The following DDX50 variants were observed in gnomAD, a reference collection of about 807,000 sequenced individuals.
DDX50 encodes ATP-dependent RNA helicase DDX50.
A neutral mutation model predicts 94.8 loss-of-function variants in DDX50; 56 were observed. The observed-to-expected ratio is 0.59, with a 90% CI of 0.48 to 0.74. The LOEUF is 0.74. DDX50 is among the 30% of genes least tolerant of loss of function. The probability of loss-of-function intolerance (pLI) is 0.00; values close to 1 mark genes in which losing one functional copy is unlikely to be tolerated. For synonymous variants in DDX50, 264 were observed against 295.4 expected, an observed-to-expected ratio of 0.89 and a Z score of 1.09; for missense variants, 713 against 881.2, an observed-to-expected ratio of 0.81 and a Z score of 2.42.
chr10:68,941,230 C>T, intron 13 of DDX50, 36 bp downstream of exon 13: 1 of 1,603,278 alleles, frequency 6.2e-7, no homozygotes, highest in Non-Finnish European at 8.5e-7. Flanking sequence ...GCTTTTTAAT[C>T]AACTACCCCA....
chr10:68,923,573 C>G (rs192545181), intron 8 of DDX50, among the ~76,000 whole-genome samples: 1 of 151,714 alleles, frequency 6.6e-6, no homozygotes, highest in African/African-American at 2.4e-5. Context: ...GACACAGTTT[C>G]ACTCTATCAG....
At position 68,901,391 on chromosome 10, in the gene DDX50, G is replaced by A; in HGVS notation, c.7G>A (p.Gly3Arg). The A allele has an allele frequency of 6.4e-7, 1 of 1,551,900 alleles. No homozygotes were observed. Among genetic ancestry groups the A allele is most frequent in the Non-Finnish European group, 8.7e-7 (1 of 1,148,764 alleles). The change falls in exon 1 of 15, where the codon GGG becomes AGG. Residue 3 changes from glycine to arginine, a missense_variant. Transcript: ENST00000373585. MPGKLLWGDIMEL... is the reference protein window; with the variant it reads MPRKLLWGDIMEL... Reference sequence around the variant, plus strand: ...GAGGCGGCGGTGGCCAGTAATGCCTGGGAAACTCCTCTGGGGGGACATTAT... The same window carrying A: ...GAGGCGGCGGTGGCCAGTAATGCCTAGGAAACTCCTCTGGGGGGACATTAT...
intron 8 of DDX50, among the ~76,000 whole-genome samples, chr10:68,933,589 AATAC>A (rs1465979038): frequency 6.6e-6 from 1 of 152,176 alleles, no homozygotes; most frequent in East Asian, 1.9e-4. Flanking sequence ...GTTATAAATA[AATAC>A]ATAAAGTCAT....
intron 4 of DDX50, 46 bp from the exon 5 acceptor site, chr10:68,913,116 A>G: frequency 6.8e-7 from 1 of 1,474,382 alleles, no homozygotes; most frequent in Non-Finnish European, 9.2e-7. Flanking sequence ...TAATTTAGAT[A>G]TGTCTTTAGA....
At chr10:68,937,985 A>G (rs1473378807) in intron 12 of DDX50, among the ~76,000 whole-genome samples, 1 of 152,246 alleles carries the variant, frequency 6.6e-6, no homozygotes, top group Admixed American at 6.5e-5. Context: ...ATATTCTGCT[A>G]CATAACCACA....
chr10:68,946,799 T>C lies in DDX50; in HGVS notation c.*169T>C, dbSNP rs932547224. ...CACAAGAATGGAACAAATCTACTTA[T>C]CCAGTTATACCTTTGAATAAAAAAA... is the stretch of plus-strand genomic sequence containing the variant. On this transcript the variant is annotated 3_prime_UTR_variant, in exon 15 of 15. Transcript: ENST00000373585. 1 of 810,180 alleles carries C rather than the reference T, an allele frequency of 1.2e-6. No homozygotes were observed. Among genetic ancestry groups the C allele is most frequent in the Non-Finnish European group, 1.9e-6 (1 of 530,736 alleles). The allele number at this position is 810,180 out of a possible 1,614,324, so 50.2% of individuals were successfully genotyped here. A position where few individuals can be genotyped will look rare whatever the true frequency, so the allele number is the denominator to read the frequency against.
chr10:68,935,019 T>C lies in DDX50; in HGVS notation c.1521+101T>C, dbSNP rs1842371548. 3 of 1,422,806 alleles carry C rather than the reference T, an allele frequency of 2.1e-6. No individual in the cohort carries two copies. In the Admixed American group the frequency reaches 7.4e-5, roughly 35 times the overall value. The allele number at this position is 1,422,806 out of a possible 1,614,324, so 88.1% of individuals were successfully genotyped here. On this transcript the variant is annotated intron_variant, in intron 10 of 14. Transcript: ENST00000373585. ...TACAAGTAGGTCTTCATAACTTTTCTCAGTTTAAGCTGCATTTGGCTGTGA... is the reference window on the plus strand; with the variant it reads ...TACAAGTAGGTCTTCATAACTTTTCCCAGTTTAAGCTGCATTTGGCTGTGA...
intron 4 of DDX50, among the ~76,000 whole-genome samples, 198 bp from the exon 5 acceptor site, chr10:68,912,964 A>G (rs1841674732): frequency 6.6e-6 from 1 of 152,206 alleles, no homozygotes; most frequent in South Asian, 2.1e-4. Flanking sequence ...ACCTCACTGA[A>G]GAGACCTGAA....
intron 1 of DDX50, among the ~76,000 whole-genome samples, chr10:68,903,536 C>G (rs2132017457): frequency 6.6e-6 from 1 of 152,094 alleles, no homozygotes; most frequent in African/African-American, 2.4e-5. Context: ...TGCGGTGGCT[C>G]ACGTCTGTAA....
At position 68,934,380 on chromosome 10, in the gene DDX50, T is replaced by C. The variant is rs748336693; in HGVS notation, c.1401+20T>C. 1.4e-5 allele frequency: 22 copies of C among 1,610,166 alleles called. No individual in the cohort carries two copies. Among genetic ancestry groups the C allele is most frequent in the Non-Finnish European group, 1.9e-5 (22 of 1,179,106 alleles). On this transcript the variant is annotated intron_variant, in intron 9 of 14. Transcript: ENST00000373585. The surrounding 1 kb of genome is among the most constrained non-coding windows in gnomAD (Gnocchi z 4.0). ...CCTCAGGTAGGAAATGGGATTTGAT[T>C]TGGGAAAAATAAGAGCAATTTTATA...
At chr10:68,903,481 C>T (rs776953506) in intron 1 of DDX50, among the ~76,000 whole-genome samples, 1 of 151,298 alleles carries the variant, frequency 6.6e-6, no homozygotes, top group African/African-American at 2.4e-5. Flanking sequence ...TCCCGGCCAA[C>T]ATGGTGAAAC....
At chr10:68,926,830 A>T (rs945742895) in intron 8 of DDX50, among the ~76,000 whole-genome samples, 5 of 151,916 alleles carry the variant, frequency 3.3e-5, no homozygotes, top group Admixed American at 6.6e-5. Context: ...AAAATTATTC[A>T]AAAGTTGGAG....
chr10:68,914,239 T>A, intron 7 of DDX50, 35 bp downstream of exon 7: 2 of 1,601,464 alleles, frequency 1.2e-6, no homozygotes, highest in Non-Finnish European at 1.7e-6. Context: ...ATTTTAGCTT[T>A]TAGTTGGTAT....
chr10:68,908,065 T>G (rs1454727647), intron 2 of DDX50, among the ~76,000 whole-genome samples: 3 of 152,182 alleles, frequency 2.0e-5, no homozygotes, highest in African/African-American at 7.2e-5. Flanking sequence ...TAGTAGACAT[T>G]TGGTTTAAAT....
At chr10:68,941,380 A>C (rs542790751) in intron 13 of DDX50, among the ~76,000 whole-genome samples, 186 bp downstream of exon 13, 2 of 152,312 alleles carry the variant, frequency 1.3e-5, no homozygotes, top group South Asian at 4.1e-4. Context: ...CAGAGCTGTA[A>C]GTCATTCTGT....
At chr10:68,908,422 G>A (rs569795581) in intron 2 of DDX50, among the ~76,000 whole-genome samples, 3 of 128,154 alleles carry the variant, frequency 2.3e-5, no homozygotes, top group Non-Finnish European at 4.6e-5. Flanking sequence ...TTGCACTCCA[G>A]CCTGGTCAAC....
intron 14 of DDX50, among the ~76,000 whole-genome samples, chr10:68,944,300 T>C (rs1029753603): frequency 2.6e-5 from 4 of 152,102 alleles, no homozygotes; most frequent in Non-Finnish European, 4.4e-5. Flanking sequence ...CTCTCTCTCT[T>C]TTAAAAAAGT....
At chr10:68,925,107 T>G (rs1842048913) in intron 8 of DDX50, among the ~76,000 whole-genome samples, 1 of 145,148 alleles carries the variant, frequency 6.9e-6, no homozygotes, top group Non-Finnish European at 1.5e-5. Context: ...TTTTTTTTTT[T>G]TTTTTTTTTT....
intron 12 of DDX50, among the ~76,000 whole-genome samples, chr10:68,937,587 T>TG (rs1842455143): frequency 6.7e-6 from 1 of 149,124 alleles, no homozygotes; most frequent in Non-Finnish European, 1.5e-5. Flanking sequence ...TTTATAAGTT[T>TG]TTTTTTTTTT....
Sources: allele counts gnomAD v4.1 joint callset (sites outside exome capture counted in the v4.1 genomes callset), GRCh38; gene constraint gnomAD v4.1.1; non-coding constraint Gnocchi (gnomAD v3.1); transcripts MANE v1.5; gene names NCBI Gene and HGNC (gene_info 2026-07-23, HGNC 2026-07-21).